Variants in ADAMTS2 observed in about 807,000 individuals in gnomAD.
ADAMTS2 encodes the protein ADAM metallopeptidase with thrombospondin type 1 motif 2, also known as A disintegrin and metalloproteinase with thrombospondin motifs 2.
A neutral mutation model predicts 123.0 loss-of-function variants in ADAMTS2; 50 were observed. The observed-to-expected ratio is 0.41, with a 90% CI of 0.32 to 0.51. The LOEUF (loss-of-function observed/expected upper bound fraction) is 0.51. ADAMTS2 is among the 20% of genes least tolerant of loss of function. ADAMTS2 has a pLI of 0.35. For synonymous variants in ADAMTS2, 678 were observed against 695.4 expected (o/e 0.98, Z 0.39); for missense variants, 1,494 against 1,705.2 (o/e 0.88, Z 2.18).
intron 4 of ADAMTS2, among the ~76,000 whole-genome samples, chr5:179,192,521 ACCG>A (rs2113340762): frequency 6.6e-6 from 1 of 152,308 alleles, no homozygotes; most frequent in East Asian, 1.9e-4. Flanking sequence ...AATCCTGCCC[ACCG>A]CTACACAGGA....
Position 179,303,924 on chromosome 5 carries a change from G to A in ADAMTS2, c.535-30860C>T. 6.6e-6 allele frequency among the ~76,000 whole-genome samples: 1 copy of A among 152,232 alleles called. No individual in the cohort carries two copies. The highest frequency in any genetic ancestry group is 1.9e-4 in the East Asian group (1 of 5,194). On this transcript the variant is annotated intron_variant, in intron 2 of 21. Transcript: ENST00000251582. This position sits in a 1 kb window ranked among gnomAD's most constrained non-coding sequence, Gnocchi z 4.7. ...CAGGGCTAGGAAGATGGCAGAGACA[G>A]CAGAGCTTGGGGAACTGGCATCAGA...
intron 3 of ADAMTS2, among the ~76,000 whole-genome samples, chr5:179,214,373 G>A (rs890785207): frequency 6.6e-6 from 1 of 152,198 alleles, no homozygotes; most frequent in African/African-American, 2.4e-5. Context: ...ATTCTAATAG[G>A]CCTAGACTAA....
rs971479116 is a variant in ADAMTS2, at chr5:179,199,125, T to A, written c.891+8388A>T. Among the ~76,000 whole-genome samples, 10 of 152,212 alleles carry A rather than the reference T, an allele frequency of 6.6e-5. No homozygotes were observed. The South Asian group carries it at 1.0e-3, about 16-fold the overall frequency. Reference sequence around the variant, plus strand: ...GGGCTCGCCCTAGGGACAGGCTGACTTCATAGATGACCAGGGCCTATCCTC... The same window carrying A: ...GGGCTCGCCCTAGGGACAGGCTGACATCATAGATGACCAGGGCCTATCCTC... On this transcript the variant is annotated intron_variant, in intron 4 of 21. Coordinates refer to ENST00000251582, the MANE Select transcript of ADAMTS2 (RefSeq NM_014244.5).
intron 5 of ADAMTS2, among the ~76,000 whole-genome samples, chr5:179,161,594 G>C (rs1304444919): frequency 6.6e-6 from 1 of 152,162 alleles, no homozygotes; most frequent in African/African-American, 2.4e-5. Flanking sequence ...GGCAAGATGG[G>C]GGAATAAGCG....
intron 3 of ADAMTS2, among the ~76,000 whole-genome samples, chr5:179,224,894 G>A (rs147616316): frequency 7.2e-5 from 11 of 152,306 alleles, no homozygotes; most frequent in Non-Finnish European, 1.3e-4. Context: ...CTGAGCAACC[G>A]TTTCCCTGTA....
At chr5:179,324,331 G>A (rs141208388) in intron 2 of ADAMTS2, among the ~76,000 whole-genome samples, 3 of 151,880 alleles carry the variant, frequency 2.0e-5, no homozygotes, top group African/African-American at 4.8e-5. Flanking sequence ...TCAAAAATGT[G>A]TAAGGTATAA....
At chr5:179,280,597 G>A (rs940851715) in intron 2 of ADAMTS2, among the ~76,000 whole-genome samples, 4 of 152,176 alleles carry the variant, frequency 2.6e-5, no homozygotes, top group Non-Finnish European at 5.9e-5. Context: ...GGCCAAGGCC[G>A]TCCCATGGCA....
intron 18 of ADAMTS2, 27 bp downstream of exon 18, chr5:179,125,971 G>C: frequency 7.4e-6 from 12 of 1,613,024 alleles, no homozygotes; most frequent in South Asian, 1.1e-5. Context: ...GTCTCCTCTA[G>C]TGGGAGCCCG....
At chr5:179,306,300 A>C (rs1036656480) in intron 2 of ADAMTS2, among the ~76,000 whole-genome samples, 2 of 152,234 alleles carry the variant, frequency 1.3e-5, no homozygotes, top group African/African-American at 4.8e-5. Flanking sequence ...GGATTTGCAG[A>C]GTCTGGCACA....
At position 179,152,009 on chromosome 5, in the gene ADAMTS2, G is replaced by A; in HGVS notation, c.1629+133C>T. The A allele has an allele frequency of 4.0e-6, 3 of 750,860 alleles. No individual in the cohort carries two copies. The South Asian group carries it at 4.9e-5, about 12-fold the overall frequency. 46.5% of individuals were successfully genotyped at this position (750,860 alleles called of 1,614,324 possible). On this transcript the variant is annotated intron_variant, in intron 10 of 21. Transcript: ENST00000251582. ...GCGTGTGAGGGGTAATTAGAAGGGGGAAAGGAGAGGGCAGCAGAGGTCCCC... is the reference window on the plus strand; with the variant it reads ...GCGTGTGAGGGGTAATTAGAAGGGGAAAAGGAGAGGGCAGCAGAGGTCCCC...
At chr5:179,313,637 C>T (rs2431419) in intron 2 of ADAMTS2, among the ~76,000 whole-genome samples, 1 of 21,286 alleles carries the variant, frequency 4.7e-5, no homozygotes, top group Non-Finnish European at 1.1e-4. Flanking sequence ...CACACTCACA[C>T]CGAGACAGAG....
At chr5:179,327,063 A>G (rs1757337480) in intron 2 of ADAMTS2, among the ~76,000 whole-genome samples, 1 of 152,204 alleles carries the variant, frequency 6.6e-6, no homozygotes, top group African/African-American at 2.4e-5. Flanking sequence ...AGAGGGTTCC[A>G]TCCTTGCTCA....
chr5:179,178,002 G>A (rs571202121), intron 5 of ADAMTS2, among the ~76,000 whole-genome samples: 35 of 152,216 alleles, frequency 2.3e-4, no homozygotes, highest in Non-Finnish European at 3.8e-4. Flanking sequence ...AATGCAAGCC[G>A]CCACCTGGCA....
rs1756944905 is a variant in ADAMTS2 at position 179,314,969 on chromosome 5, G to A, written c.534+28798C>T. Among the ~76,000 whole-genome samples, 1 of 152,060 alleles carries A rather than the reference G, an allele frequency of 6.6e-6. No individual in the cohort carries two copies. Among genetic ancestry groups the A allele is most frequent in the Non-Finnish European group, 1.5e-5 (1 of 68,008 alleles). Reference sequence around the variant, plus strand: ...CCCTCCCAGAGCCTAATCACAGCCAGCTACGCCCCCTTCTCCCAGTTATTC... The same window carrying A: ...CCCTCCCAGAGCCTAATCACAGCCAACTACGCCCCCTTCTCCCAGTTATTC... On this transcript the variant is annotated intron_variant, in intron 2 of 21. Coordinates refer to ENST00000251582, the MANE Select transcript of ADAMTS2 (RefSeq NM_014244.5). This position sits in a 1 kb window ranked among gnomAD's most constrained non-coding sequence, Gnocchi z 4.5.
At chr5:179,146,219 C>A (rs576421578) in intron 10 of ADAMTS2, among the ~76,000 whole-genome samples, 11 of 152,314 alleles carry the variant, frequency 7.2e-5, no homozygotes, top group Admixed American at 4.6e-4. Flanking sequence ...GGGAAAAAAA[C>A]CAATACCAAC....
intron 17 of ADAMTS2, among the ~76,000 whole-genome samples, chr5:179,126,469 G>C (rs1291119429): frequency 6.6e-6 from 1 of 152,254 alleles, no homozygotes; most frequent in Non-Finnish European, 1.5e-5. Flanking sequence ...CAAGCCAGGA[G>C]CCGGGCAAGC....
intron 2 of ADAMTS2, among the ~76,000 whole-genome samples, chr5:179,339,131 T>C (rs1757697655): frequency 6.6e-6 from 1 of 152,318 alleles, no homozygotes; most frequent in East Asian, 1.9e-4. Context: ...GATAGGCCCC[T>C]CTTCATTCCA....
intron 4 of ADAMTS2, 38 bp downstream of exon 4, chr5:179,207,475 T>TACCCCCCCCCC: frequency 1.9e-5 from 11 of 588,616 alleles, no homozygotes; most frequent in East Asian, 7.5e-5. Flanking sequence ...TGGTTGACCC[T>TACCCCCCCCCC]CCCCGCCCCA....
At chr5:179,125,331 C>G (rs1762834956) in intron 18 of ADAMTS2, 151 bp from the exon 19 acceptor site, 1 of 697,744 alleles carries the variant, frequency 1.4e-6, no homozygotes, top group East Asian at 2.7e-5. Flanking sequence ...CTTATTCTCA[C>G]TAAGATGCTG....
Sources: gnomAD v4.1 joint callset for allele counts (sites outside exome capture counted in the v4.1 genomes callset) on GRCh38, gnomAD v4.1.1 for gene constraint, Gnocchi (gnomAD v3.1) non-coding constraint, MANE v1.5 for transcripts, NCBI Gene and HGNC (gene_info 2026-07-23, HGNC 2026-07-21) for gene names.